ACSL4: variants seen among roughly 807,000 people sequenced by gnomAD.
The protein encoded by ACSL4 is acyl-CoA synthetase long chain family member 4.
Under a neutral mutation model 49.1 loss-of-function variants are expected in ACSL4, and 9 were observed. That is an observed-to-expected ratio of 0.18 (90% CI 0.11 to 0.32). The LOEUF (loss-of-function observed/expected upper bound fraction) is 0.32. ACSL4 is among the 10% of genes least tolerant of loss of function. The pLI is 1.00. For synonymous variants in ACSL4, 191 were observed against 170.3 expected, an observed-to-expected ratio of 1.12 and a Z score of -0.95; for missense variants, 333 against 493.7, an observed-to-expected ratio of 0.67 and a Z score of 3.08.
chrX:109,669,607 C>A (rs1376713109), intron 9 of ACSL4, among the ~76,000 whole-genome samples: 2 of 111,624 alleles, frequency 1.8e-5, no homozygotes, highest in Admixed American at 9.5e-5. Flanking sequence ...GTTAGCCAGG[C>A]TGGTGTCGAA....
intron 15 of ACSL4, among the ~76,000 whole-genome samples, chrX:109,654,813 T>C (rs1253892638): frequency 8.9e-6 from 1 of 112,139 alleles, no homozygotes; most frequent in African/African-American, 3.3e-5. Flanking sequence ...CCGCACCCTA[T>C]GCTGCTCTTC....
chrX:109,683,112 A>G (rs1333523644), intron 3 of ACSL4, 24 bp downstream of exon 3: 1 of 1,191,426 alleles, frequency 8.4e-7, no homozygotes. Context: ...TAAAACATAA[A>G]TGAAAAGCAC....
intron 4 of ACSL4, 133 bp downstream of exon 4, chrX:109,682,586 G>T: frequency 1.4e-6 from 1 of 717,375 alleles, no homozygotes; most frequent in Non-Finnish European, 2.2e-6. Flanking sequence ...AATATTACAT[G>T]CCGTATTATG....
rs1925317479 is a variant in ACSL4, at chrX:109,694,985, GC to G, written c.-13+1158del. On this transcript the variant is annotated intron_variant, in intron 2 of 15. Transcript: ENST00000672401. ...TGAGAGACAGCCTCAATGTATACTT[GC>G]CCCGATACATTGAAGCTTATTCTTC... Among the ~76,000 whole-genome samples the G allele has an allele frequency of 2.7e-5, 3 of 111,398 alleles. No individual in the cohort carries two copies. In the South Asian group the frequency reaches 1.1e-3, roughly 43 times the overall value.
intron 2 of ACSL4, among the ~76,000 whole-genome samples, chrX:109,692,345 T>C (rs750428314): frequency 3.6e-5 from 4 of 112,023 alleles, no homozygotes; most frequent in Non-Finnish European, 7.5e-5. Context: ...GTGATCAAGA[T>C]ACACTTGATT....
chrX:109,657,490 A>G (rs1229022612), intron 15 of ACSL4, among the ~76,000 whole-genome samples: 1 of 108,879 alleles, frequency 9.2e-6, no homozygotes, highest in Non-Finnish European at 1.9e-5. Flanking sequence ...TCCTTGCGAT[A>G]GTTTGCTGAG....
At chrX:109,693,110 T>G (rs1244292886) in intron 2 of ACSL4, among the ~76,000 whole-genome samples, 1 of 111,604 alleles carries the variant, frequency 9.0e-6, no homozygotes, top group Non-Finnish European at 1.9e-5. Context: ...GGAACCAGCT[T>G]AATAGGTTAG....
rs188582399 is a variant in ACSL4, at chrX:109,723,160, A to G, written c.-66+9979T>C. On this transcript the variant is annotated intron_variant, in intron 1 of 15. Coordinates refer to ENST00000672401, the MANE Select transcript of ACSL4 (RefSeq NM_001318510.2). The stretch of plus-strand genomic sequence containing the variant: ...TAGAGTGTTGTTGTAGAATGAAGGA[A>G]TCCTATTATAAGCATCCTCCAGTGT... Among the ~76,000 whole-genome samples, 108 of 111,655 alleles carry G rather than the reference A, an allele frequency of 9.7e-4. 1 individual carries two copies. Among genetic ancestry groups the G allele is most frequent in the African/African-American group, 3.3e-3 (102 of 30,814 alleles).
chrX:109,646,834 A>C (rs1423564897), intron 15 of ACSL4, among the ~76,000 whole-genome samples: 5 of 110,793 alleles, frequency 4.5e-5, no homozygotes, highest in African/African-American at 1.6e-4. Context: ...AAGATCTACC[A>C]AGCAAATGGA....
chrX:109,653,726 G>A (rs1569417109), intron 15 of ACSL4, among the ~76,000 whole-genome samples: 1 of 109,162 alleles, frequency 9.2e-6, no homozygotes, highest in African/African-American at 3.4e-5. Flanking sequence ...AACACCGCAT[G>A]TTCTCACTTA....
chrX:109,714,766 T>C (rs1469422560), intron 1 of ACSL4, among the ~76,000 whole-genome samples: 1 of 112,264 alleles, frequency 8.9e-6, no homozygotes, highest in Non-Finnish European at 1.9e-5. Context: ...TCTTGGTGCA[T>C]AGTTGGCTAT....
At chrX:109,702,002 G>A (rs1926004163) in intron 1 of ACSL4, among the ~76,000 whole-genome samples, 1 of 104,715 alleles carries the variant, frequency 9.5e-6, no homozygotes, top group South Asian at 4.6e-4. Flanking sequence ...CTGAGGTCAG[G>A]AGTTCGAGAC....
intron 2 of ACSL4, among the ~76,000 whole-genome samples, chrX:109,695,160 C>G (rs1340278047): frequency 2.7e-5 from 3 of 109,689 alleles, no homozygotes; most frequent in African/African-American, 1.0e-4. Context: ...GCCTGGCCAA[C>G]ATGGTGAAAC....
At chrX:109,671,668 A>G (rs972403887) in intron 9 of ACSL4, among the ~76,000 whole-genome samples, 11 of 112,563 alleles carry the variant, frequency 9.8e-5, no homozygotes, top group Non-Finnish European at 1.1e-4. Flanking sequence ...AAGAGAGATC[A>G]GATTGTTTCT....
intron 1 of ACSL4, among the ~76,000 whole-genome samples, chrX:109,714,437 G>A (rs753865436): frequency 9.8e-5 from 11 of 111,804 alleles, no homozygotes; most frequent in African/African-American, 3.6e-4. Context: ...CATAAATTTA[G>A]TGTAGCATAA....
At chrX:109,658,237 C>G (rs1921855309) in intron 15 of ACSL4, among the ~76,000 whole-genome samples, 1 of 111,250 alleles carries the variant, frequency 9.0e-6, no homozygotes, top group African/African-American at 3.3e-5. Context: ...TCTATGTTAT[C>G]CAATTAATCA....
chrX:109,661,620 T>A lies in ACSL4; in HGVS notation c.1608A>T (p.Leu536Phe). Residue 536 changes from leucine to phenylalanine, a missense_variant, in exon 14 of 16, where the codon TTA (leucine) becomes TTT (phenylalanine). Leu to Phe is a conservative substitution (Grantham distance 22). Coordinates refer to ENST00000672401, the MANE Select transcript of ACSL4 (RefSeq NM_001318510.2). ...IIDRKKDLVK[L>F]QAGEYVSLGK... ...CAAGAGATACATACTCTCCTGCTTGTAACTTCACTAGATCTTTCTTACGAT... is the reference window on the plus strand; with the variant it reads ...CAAGAGATACATACTCTCCTGCTTGAAACTTCACTAGATCTTTCTTACGAT... 8.4e-7 allele frequency: 1 copy of A among 1,197,409 alleles called. No homozygotes were observed. Among genetic ancestry groups the A allele is most frequent in the Non-Finnish European group, 1.1e-6 (1 of 882,849 alleles).
At chrX:109,680,818 G>T (rs992509383) in intron 6 of ACSL4, among the ~76,000 whole-genome samples, 180 bp downstream of exon 6, 18 of 112,190 alleles carry the variant, frequency 1.6e-4, no homozygotes, top group African/African-American at 5.2e-4. Context: ...TATTTTTTTT[G>T]AGGAGAAATG....
At chrX:109,695,559 A>C (rs1407400770) in intron 2 of ACSL4, 6 of 110,216 alleles carry the variant, frequency 5.4e-5, no homozygotes, top group Non-Finnish European at 1.1e-4. Flanking sequence ...TCTACTAAAA[A>C]TACAAAAAAA....
Sources: gnomAD v4.1 joint callset for allele counts (sites outside exome capture counted in the v4.1 genomes callset) on GRCh38, gnomAD v4.1.1 for gene constraint, MANE v1.5 for transcripts, NCBI Gene and HGNC (gene_info 2026-07-23, HGNC 2026-07-21) for gene names.